Variants in SLC22A24 observed in about 807,000 individuals in gnomAD.
SLC22A24 encodes steroid transmembrane transporter SLC22A24.
Under a neutral mutation model 49.8 loss-of-function variants are expected in SLC22A24, and 53 were observed. The observed-to-expected ratio is 1.06, with a 90% CI of 0.85 to 1.34. The LOEUF is 1.34. SLC22A24 is among the 40% of genes most tolerant of loss of function. SLC22A24 has a pLI of 0.00. For synonymous variants in SLC22A24, 302 were observed against 256.4 expected, an observed-to-expected ratio of 1.18 and a Z score of -1.70; for missense variants, 786 against 675.9, an observed-to-expected ratio of 1.16 and a Z score of -1.81.
intron 2 of SLC22A24, among the ~76,000 whole-genome samples, chr11:63,122,840 C>T (rs1051316221): frequency 6.6e-6 from 1 of 152,054 alleles, no homozygotes; most frequent in Non-Finnish European, 1.5e-5. Context: ...CTTAAATTAA[C>T]AAATAATAGT....
At chr11:63,135,726 C>T (rs1039180033) in intron 1 of SLC22A24, among the ~76,000 whole-genome samples, 3 of 152,178 alleles carry the variant, frequency 2.0e-5, no homozygotes, top group African/African-American at 2.4e-5. Flanking sequence ...AAAGCAAAAC[C>T]GAGTGATTTT....
intron 1 of SLC22A24, among the ~76,000 whole-genome samples, chr11:63,138,145 C>A (rs1322791892): frequency 6.6e-6 from 1 of 152,148 alleles, no homozygotes; most frequent in Non-Finnish European, 1.5e-5. Context: ...GCAGGCTGGT[C>A]AGTTACAAAC....
At chr11:63,101,081 G>A (rs1162936708) in intron 5 of SLC22A24, among the ~76,000 whole-genome samples, 5 of 152,020 alleles carry the variant, frequency 3.3e-5, no homozygotes, top group Admixed American at 6.6e-5. Context: ...CTTCTGCACA[G>A]TAAAAGATAT....
intron 1 of SLC22A24, among the ~76,000 whole-genome samples, chr11:63,138,459 G>A (rs1041453221): frequency 1.1e-4 from 17 of 151,850 alleles, no homozygotes; most frequent in Non-Finnish European, 2.1e-4. Flanking sequence ...TGGCTAACAC[G>A]GTGAAACCCT....
At chr11:63,115,100 T>C (rs965291869) in intron 4 of SLC22A24, among the ~76,000 whole-genome samples, 1 of 152,242 alleles carries the variant, frequency 6.6e-6, no homozygotes. Flanking sequence ...TCTTCAAAGC[T>C]GTCAGACAGA....
At chr11:63,135,493 T>G (rs1165909404) in intron 1 of SLC22A24, among the ~76,000 whole-genome samples, 1 of 152,208 alleles carries the variant, frequency 6.6e-6, no homozygotes, top group East Asian at 1.9e-4. Context: ...AGGTTTATGT[T>G]TAGTTTGTTT....
intron 2 of SLC22A24, among the ~76,000 whole-genome samples, chr11:63,119,920 T>G (rs1168728487): frequency 6.6e-6 from 1 of 152,116 alleles, no homozygotes; most frequent in Non-Finnish European, 1.5e-5. Flanking sequence ...AAATGTCTTC[T>G]TTTGAGAAGT....
intron 9 of SLC22A24, 124 bp downstream of exon 9, chr11:63,080,796 A>G: frequency 1.3e-6 from 1 of 773,994 alleles, no homozygotes; most frequent in African/African-American, 1.7e-5. Context: ...TGACAAATAG[A>G]AAAGTCCTAG....
chr11:63,114,935 C>T (rs2087200966), intron 4 of SLC22A24, among the ~76,000 whole-genome samples: 1 of 152,192 alleles, frequency 6.6e-6, no homozygotes, highest in South Asian at 2.1e-4. Context: ...CCTCTGGAAG[C>T]TTCGTCTCAG....
chr11:63,128,713 C>T (rs181218404), intron 2 of SLC22A24, among the ~76,000 whole-genome samples: 4 of 150,600 alleles, frequency 2.7e-5, no homozygotes, highest in South Asian at 2.1e-4. Context: ...GAAGGGCCCC[C>T]GTCCAGTGGA....
intron 2 of SLC22A24, among the ~76,000 whole-genome samples, chr11:63,126,258 A>AG (rs2087290104): frequency 6.6e-6 from 1 of 152,004 alleles, no homozygotes; most frequent in Non-Finnish European, 1.5e-5. Flanking sequence ...AATGGTATTG[A>AG]CTAGGTTTTC....
intron 6 of SLC22A24, among the ~76,000 whole-genome samples, chr11:63,085,979 A>G (rs759661491): frequency 2.0e-5 from 3 of 152,298 alleles, no homozygotes; most frequent in Admixed American, 6.5e-5. Flanking sequence ...ACTTCTTTAC[A>G]AGGAGATCCA....
chr11:63,102,086 A>G (rs898108364), intron 5 of SLC22A24, among the ~76,000 whole-genome samples: 10 of 152,148 alleles, frequency 6.6e-5, no homozygotes, highest in African/African-American at 2.4e-4. Flanking sequence ...TGACTAAAAT[A>G]GAATAATTGA....
chr11:63,118,157 T>C (rs753959182), intron 4 of SLC22A24, among the ~76,000 whole-genome samples: 4 of 152,010 alleles, frequency 2.6e-5, no homozygotes, highest in Non-Finnish European at 5.9e-5. Flanking sequence ...CAGCTTTTTG[T>C]GAATGAGGTT....
chr11:63,138,632 ACT>A (rs2087392211), intron 1 of SLC22A24, among the ~76,000 whole-genome samples: 1 of 106,132 alleles, frequency 9.4e-6, no homozygotes, highest in Non-Finnish European at 1.8e-5. Flanking sequence ...ACAGAGCAAG[ACT>A]CTGTCTCAAA....
In SLC22A24 at chr11:63,110,139, T is replaced by G. The variant is rs371221788; in HGVS notation, c.831-5841A>C. Among the ~76,000 whole-genome samples the G allele has an allele frequency of 4.3e-4, 65 of 151,502 alleles. 1 individual carries two copies. The East Asian group carries it at 9.0e-3, about 21-fold the overall frequency. ...CCATTGCTTGTTTTTGTCAGGTTTG[T>G]CAAAGATCAGATAGTTGTAGATATG... is the stretch of plus-strand genomic sequence containing the variant. On this transcript the variant is annotated intron_variant, in intron 4 of 9. Transcript: ENST00000612278.
At chr11:63,094,875 A>G (rs1407184072) in intron 6 of SLC22A24, among the ~76,000 whole-genome samples, 4 of 151,982 alleles carry the variant, frequency 2.6e-5, no homozygotes, top group African/African-American at 7.3e-5. Flanking sequence ...TAGATTCTGG[A>G]TATTAGCCCT....
At chr11:63,081,691 A>C in intron 7 of SLC22A24, 25 bp from the exon 8 acceptor site, 2 of 1,482,284 alleles carry the variant, frequency 1.3e-6, no homozygotes, top group Non-Finnish European at 9.2e-7. Context: ...GAGAATCAGG[A>C]AATCTTGCCT....
rs758582815 is a variant in SLC22A24, at chr11:63,143,405, G to T, written c.375C>A (p.Ser125Arg). 4 of 1,492,412 alleles carry T rather than the reference G, an allele frequency of 2.7e-6. No individual in the cohort carries two copies. In the South Asian group the frequency reaches 4.3e-5, roughly 16 times the overall value. The allele number at this position is 1,492,412 out of a possible 1,614,324, so 92.4% of individuals were successfully genotyped here. Residue 125 changes from serine to arginine, a missense_variant, in exon 1 of 10, where the codon AGC becomes AGA. Coordinates refer to ENST00000612278, the MANE Select transcript of SLC22A24 (RefSeq NM_001136506.2). ...CAGTCACGATGGTGGAGAGGAAAGA[G>T]CTTCTGTCGTACACCCAGCCATCCA... ...PCVDGWVYDR[S>R]SFLSTIVTEW...
Sources: allele counts gnomAD v4.1 joint callset (sites outside exome capture counted in the v4.1 genomes callset), GRCh38; gene constraint gnomAD v4.1.1; transcripts MANE v1.5; gene names NCBI Gene and HGNC (gene_info 2026-07-23, HGNC 2026-07-21).